The following NUP88 variants were observed in gnomAD, a reference collection of about 807,000 sequenced individuals.
NUP88 encodes the protein nuclear pore complex protein Nup88.
A neutral mutation model predicts 93.9 loss-of-function variants in NUP88; 57 were observed. The observed-to-expected ratio is 0.61, with a 90% CI of 0.49 to 0.76. NUP88 has a LOEUF of 0.76. Among genes scored for constraint, NUP88 ranks in the 30% least tolerant of loss-of-function variants. NUP88 has a pLI of 0.00. For synonymous variants in NUP88, 346 were observed against 336.8 expected (o/e 1.03, Z -0.30); for missense variants, 911 against 901.0 (o/e 1.01, Z -0.14).
Position 5,419,422 on chromosome 17 carries a change from A to G in NUP88, c.229T>C (p.Ser77Pro). The change falls in exon 1 of 17, where the codon TCC becomes CCC. Residue 77 changes from serine (S) to proline (P), a missense_variant. Ser to Pro is a moderately conservative substitution (Grantham distance 74). Transcript: ENST00000573584. ...CCCCGAAGGCGAACGACTAAGAAGG[A>G]GCTGTCTTCTCCGTCCCACAGGAAA... Reference protein sequence around the residue: ...ELFLWDGEDSSFLVVRLRGPS... With the variant: ...ELFLWDGEDSPFLVVRLRGPS... 1 of 1,613,536 alleles carries G rather than the reference A, an allele frequency of 6.2e-7. No individual in the cohort carries two copies. Among genetic ancestry groups the G allele is most frequent in the Non-Finnish European group, 8.5e-7 (1 of 1,179,688 alleles).
At chr17:5,394,440 C>G (rs1272648205) in intron 9 of NUP88, among the ~76,000 whole-genome samples, 1 of 152,058 alleles carries the variant, frequency 6.6e-6, no homozygotes, top group Non-Finnish European at 1.5e-5. Context: ...CAGTGAAGGG[C>G]AGACACAGTC....
At chr17:5,418,228 T>C (rs1555530587) in intron 1 of NUP88, 1 of 152,194 alleles carries the variant, frequency 6.6e-6, no homozygotes, top group Non-Finnish European at 1.5e-5. Flanking sequence ...AGAATGTTAT[T>C]AGAATACTGC....
At chr17:5,399,189 CCTTT>C (rs1401247040) in intron 8 of NUP88, among the ~76,000 whole-genome samples, 1 of 123,018 alleles carries the variant, frequency 8.1e-6, no homozygotes, top group African/African-American at 3.0e-5. Flanking sequence ...CCGCACCCGG[CCTTT>C]TTTTTTTTTT....
intron 16 of NUP88, among the ~76,000 whole-genome samples, 172 bp from the exon 17 acceptor site, chr17:5,386,441 C>T (rs571935130): frequency 2.6e-5 from 4 of 152,280 alleles, no homozygotes; most frequent in South Asian, 4.2e-4. Flanking sequence ...AGGTGGCAAA[C>T]GGTGCAAGTA....
chr17:5,404,813 T>C (rs560269081), intron 6 of NUP88, among the ~76,000 whole-genome samples: 5 of 152,148 alleles, frequency 3.3e-5, no homozygotes, highest in Non-Finnish European at 7.4e-5. Context: ...TCCCTGAAGA[T>C]TGCAATATAG....
chr17:5,398,682 T>TG (rs1912943657), intron 8 of NUP88, among the ~76,000 whole-genome samples: 1 of 148,912 alleles, frequency 6.7e-6, no homozygotes, highest in Non-Finnish European at 1.5e-5. Context: ...CCTCCATCCC[T>TG]GGTTCAAGCG....
chr17:5,387,361 A>C lies in NUP88; in HGVS notation c.1916+25T>G, dbSNP rs739767. 0.43 allele frequency: 674,844 copies of C among 1,586,708 alleles called. 151,661 individuals carry two copies. The highest frequency in any genetic ancestry group is 0.84 in the East Asian group (37,583 of 44,670). On this transcript the variant is annotated intron_variant, in intron 14 of 16. Transcript: ENST00000573584. The stretch of plus-strand genomic sequence containing the variant: ...ATCGTTGTTAGTACCTGACTAGGTA[A>C]CTAAATGTTATACAGCCCACTGACC...
intron 9 of NUP88, among the ~76,000 whole-genome samples, chr17:5,393,177 G>T (rs1034989519): frequency 6.6e-6 from 1 of 151,788 alleles, no homozygotes; most frequent in African/African-American, 2.4e-5. Flanking sequence ...GGCTGGTCTC[G>T]AACTCCTGAC....
chr17:5,410,802 A>C lies in NUP88; in HGVS notation c.594-13T>G. 6.4e-7 allele frequency: 1 copy of C among 1,553,490 alleles called. No individual in the cohort carries two copies. On this transcript the variant is annotated splice_polypyrimidine_tract_variant and intron_variant, in intron 3 of 16. Coordinates refer to ENST00000573584, the MANE Select transcript of NUP88 (RefSeq NM_002532.6). The stretch of plus-strand genomic sequence containing the variant: ...TAGTGAGTAAATTCTAGCAACCAAA[A>C]GAGAAGAAAACCAGCACTTAAAATT...
Position 5,385,917 on chromosome 17 carries a change from C to T in NUP88, c.*289G>A, listed in dbSNP as rs777311606. Reference sequence around the variant, plus strand: ...AGCTCACAAGAATAACTAACTTGCTCAAATATGGAGAAAACTCAATAGGGT... The same window carrying T: ...AGCTCACAAGAATAACTAACTTGCTTAAATATGGAGAAAACTCAATAGGGT... On this transcript the variant is annotated 3_prime_UTR_variant, in exon 17 of 17. Coordinates refer to ENST00000573584, the MANE Select transcript of NUP88 (RefSeq NM_002532.6). 2.9e-6 allele frequency: 1 copy of T among 347,472 alleles called. No homozygotes were observed. Among genetic ancestry groups the T allele is most frequent in the Admixed American group, 4.7e-5 (1 of 21,492 alleles). The allele number at this position is 347,472 out of a possible 1,614,324, so 21.5% of individuals were successfully genotyped here. A position where few individuals can be genotyped will look rare whatever the true frequency, so the allele number is the denominator to read the frequency against.
intron 3 of NUP88, 140 bp downstream of exon 3, chr17:5,413,869 G>A: frequency 1.2e-6 from 1 of 808,568 alleles, no homozygotes. Context: ...TCTTATGATT[G>A]AGAATGGGTT....
chr17:5,412,901 T>C (rs1163559177), intron 3 of NUP88, among the ~76,000 whole-genome samples: 1 of 152,190 alleles, frequency 6.6e-6, no homozygotes, highest in African/African-American at 2.4e-5. Flanking sequence ...TGTTCCAAAG[T>C]GCTGGGATAA....
chr17:5,409,397 T>A (rs977865771), intron 4 of NUP88, among the ~76,000 whole-genome samples: 12 of 142,992 alleles, frequency 8.4e-5, no homozygotes, highest in African/African-American at 1.0e-4. Context: ...AAAAAAAAAA[T>A]TCTCATGAAA....
Position 5,394,839 on chromosome 17 carries a change from C to A in NUP88, c.1382+52G>T, listed in dbSNP as rs371621216. On this transcript the variant is annotated intron_variant, in intron 9 of 16. Coordinates refer to ENST00000573584, the MANE Select transcript of NUP88 (RefSeq NM_002532.6). ...TGTAACGGATACAAACGTATCTGAA[C>A]TGCTGAAATGAACAATTGTTTTCTG... is the stretch of plus-strand genomic sequence containing the variant. The A allele has an allele frequency of 2.5e-5, 30 of 1,219,598 alleles. No homozygotes were observed. In the African/African-American group the frequency reaches 2.8e-4, roughly 11 times the overall value. 75.5% of individuals were successfully genotyped at this position (1,219,598 alleles called of 1,614,324 possible). A position where few individuals can be genotyped will look rare whatever the true frequency, so the allele number is the denominator to read the frequency against.
intron 10 of NUP88, among the ~76,000 whole-genome samples, chr17:5,390,392 T>C (rs1912340703): frequency 6.6e-6 from 1 of 152,096 alleles, no homozygotes; most frequent in Non-Finnish European, 1.5e-5. Flanking sequence ...AACACAAAAT[T>C]TATATTTATT....
intron 2 of NUP88, among the ~76,000 whole-genome samples, chr17:5,416,078 G>GAGC (rs10632001): frequency 0.43 from 62,917 of 146,044 alleles, 14,297 homozygotes; most frequent in East Asian, 0.83. Context: ...CCAGGAGGCG[G>GAGC]AGCTTGCAGT....
At chr17:5,388,000 AT>A in intron 11 of NUP88, 96 bp from the exon 12 acceptor site, 1 of 1,256,278 alleles carries the variant, frequency 8.0e-7, no homozygotes, top group Non-Finnish European at 1.1e-6. Flanking sequence ...AACTTTTTAT[AT>A]TTTTAATTTA....
intron 3 of NUP88, among the ~76,000 whole-genome samples, chr17:5,412,053 A>C (rs1049116788): frequency 6.6e-6 from 1 of 152,354 alleles, no homozygotes; most frequent in Admixed American, 6.5e-5. Context: ...GAAACTGCCC[A>C]AAATCTCCAA....
chr17:5,412,187 TC>T (rs1193477655), intron 3 of NUP88, among the ~76,000 whole-genome samples: 1 of 152,200 alleles, frequency 6.6e-6, no homozygotes, highest in Non-Finnish European at 1.5e-5. Context: ...CATCTCCTTT[TC>T]CATCATAGCA....
Sources: allele counts gnomAD v4.1 joint callset (sites outside exome capture counted in the v4.1 genomes callset), GRCh38; gene constraint gnomAD v4.1.1; transcripts MANE v1.5; gene names NCBI Gene and HGNC (gene_info 2026-07-23, HGNC 2026-07-21).